SLC25A21: variants seen among roughly 807,000 people sequenced by gnomAD.
SLC25A21 encodes solute carrier family 25 member 21, also known as mitochondrial 2-oxodicarboxylate carrier.
Under a neutral mutation model 43.8 loss-of-function variants are expected in SLC25A21, and 47 were observed. That is an observed-to-expected ratio of 1.07 (90% confidence interval 0.85 to 1.37). The LOEUF (loss-of-function observed/expected upper bound fraction) is 1.37. SLC25A21 is among the 40% of genes most tolerant of loss of function. SLC25A21 has a pLI of 0.00. For synonymous variants in SLC25A21, 131 were observed against 121.3 expected, an observed-to-expected ratio of 1.08 and a Z score of -0.52; for missense variants, 352 against 350.2, an observed-to-expected ratio of 1.00 and a Z score of -0.04.
rs926913517 is a variant in SLC25A21, at chr14:36,833,931, A to G, written c.120-19930T>C. 2.0e-5 allele frequency among the ~76,000 whole-genome samples: 3 copies of G among 152,334 alleles called. No individual in the cohort carries two copies. The South Asian group carries it at 6.2e-4, about 32-fold the overall frequency. On this transcript the variant is annotated intron_variant, in intron 2 of 9. Transcript: ENST00000331299. ...TGCATGGGCTGGATTAAAACAGAAAATAAGATATATTGCCTAAATTCAGGA... is the reference window on the plus strand; with the variant it reads ...TGCATGGGCTGGATTAAAACAGAAAGTAAGATATATTGCCTAAATTCAGGA...
intron 1 of SLC25A21, among the ~76,000 whole-genome samples, chr14:36,944,350 A>C (rs1417171638): frequency 6.6e-6 from 1 of 152,172 alleles, no homozygotes; most frequent in Non-Finnish European, 1.5e-5. Flanking sequence ...CAGAGGAAGA[A>C]AACTGCCTTC....
chr14:37,133,756 C>A (rs527825532), intron 1 of SLC25A21, among the ~76,000 whole-genome samples: 1 of 152,250 alleles, frequency 6.6e-6, no homozygotes, highest in South Asian at 2.1e-4. Flanking sequence ...TATGAGTGGA[C>A]AATAAGCTTT....
chr14:36,722,714 TTAGA>T (rs534712226), intron 6 of SLC25A21, among the ~76,000 whole-genome samples: 40 of 152,250 alleles, frequency 2.6e-4, no homozygotes, highest in Non-Finnish European at 5.7e-4. Flanking sequence ...CATATTTCTA[TTAGA>T]TAGCACTGCT....
At chr14:36,989,828 GGTT>G (rs1312183482) in intron 1 of SLC25A21, among the ~76,000 whole-genome samples, 1 of 151,956 alleles carries the variant, frequency 6.6e-6, no homozygotes, top group Non-Finnish European at 1.5e-5. Flanking sequence ...ATGGCCAACT[GGTT>G]GTAATTGACT....
rs183223877 is a variant in SLC25A21 at position 36,721,709 on chromosome 14, T to C, written c.438+3861A>G. ...AAATGAAATCATGGCACCTGAATTA[T>C]GCAAGGTTGAGCTCCAAGATGGGCC... On this transcript the variant is annotated intron_variant, in intron 6 of 9. Transcript: ENST00000331299. Among the ~76,000 whole-genome samples the C allele has an allele frequency of 3.2e-3, 487 of 152,350 alleles. 3 individuals are homozygous for C. The highest frequency in any genetic ancestry group is 0.011 in the African/African-American group (453 of 41,578).
chr14:37,151,143 G>T (rs1963752231), intron 1 of SLC25A21, among the ~76,000 whole-genome samples: 1 of 151,998 alleles, frequency 6.6e-6, no homozygotes, highest in Admixed American at 6.6e-5. Flanking sequence ...CAAAGAGGAG[G>T]CTATACGTTC....
chr14:36,958,594 A>T (rs1308108752), intron 1 of SLC25A21, among the ~76,000 whole-genome samples: 1 of 152,042 alleles, frequency 6.6e-6, no homozygotes, highest in East Asian at 1.9e-4. Flanking sequence ...TTGAGGCCTT[A>T]CCCAGATATG....
intron 2 of SLC25A21, among the ~76,000 whole-genome samples, chr14:36,817,474 C>T (rs1037017935): frequency 2.0e-5 from 3 of 152,046 alleles, no homozygotes; most frequent in Non-Finnish European, 4.4e-5. Context: ...ACACCACAGC[C>T]GCCTACCCCG....
intron 3 of SLC25A21, among the ~76,000 whole-genome samples, chr14:36,758,374 G>T (rs1387166940): frequency 6.6e-6 from 1 of 152,150 alleles, no homozygotes; most frequent in African/African-American, 2.4e-5. Flanking sequence ...AGATGAACCT[G>T]AGTGTTTGGC....
chr14:37,146,061 A>G (rs572801020), intron 1 of SLC25A21, among the ~76,000 whole-genome samples: 4 of 152,148 alleles, frequency 2.6e-5, no homozygotes, highest in Non-Finnish European at 5.9e-5. Flanking sequence ...AACAGCACCC[A>G]CTCCTTCAGA....
chr14:36,764,470 C>T (rs760520770), intron 3 of SLC25A21, among the ~76,000 whole-genome samples: 14 of 148,456 alleles, frequency 9.4e-5, no homozygotes, highest in Admixed American at 2.0e-4. Flanking sequence ...CAAGCTGCCA[C>T]GCGTGAAGAA....
intron 1 of SLC25A21, among the ~76,000 whole-genome samples, chr14:37,014,151 C>T (rs1368572185): frequency 6.6e-6 from 1 of 152,054 alleles, no homozygotes; most frequent in African/African-American, 2.4e-5. Context: ...GCAGCTGTGG[C>T]AGTTTCTTTA....
chr14:36,872,856 A>C (rs960434556), intron 2 of SLC25A21, among the ~76,000 whole-genome samples: 1 of 152,332 alleles, frequency 6.6e-6, no homozygotes, highest in South Asian at 2.1e-4. Context: ...CAACAAAATG[A>C]TACAGCTTTT....
chr14:36,826,716 G>A (rs1464483213), intron 2 of SLC25A21, among the ~76,000 whole-genome samples: 1 of 152,202 alleles, frequency 6.6e-6, no homozygotes, highest in Non-Finnish European at 1.5e-5. Flanking sequence ...CCATGTCAGA[G>A]AGTTGAGGTT....
chr14:37,027,383 C>G (rs1961115454), intron 1 of SLC25A21, among the ~76,000 whole-genome samples: 1 of 152,130 alleles, frequency 6.6e-6, no homozygotes, highest in African/African-American at 2.4e-5. Context: ...ATGACCGTTT[C>G]TGCTACTATA....
At chr14:36,903,073 A>C (rs1286206107) in intron 1 of SLC25A21, among the ~76,000 whole-genome samples, 2 of 152,332 alleles carry the variant, frequency 1.3e-5, no homozygotes, top group South Asian at 2.1e-4. Flanking sequence ...TACTGGCCTC[A>C]CACAGTTGCC....
intron 1 of SLC25A21, among the ~76,000 whole-genome samples, chr14:36,886,956 T>C (rs189340528): frequency 3.9e-4 from 59 of 152,276 alleles, no homozygotes; most frequent in Admixed American, 3.5e-3. Flanking sequence ...TGTGGGCTTT[T>C]ACCACAATCA....
At chr14:36,982,131 A>T (rs17105851) in intron 1 of SLC25A21, among the ~76,000 whole-genome samples, 21,976 of 152,024 alleles carry the variant, frequency 0.14, 5,293 homozygotes, top group African/African-American at 0.5. Flanking sequence ...TGATCTCATT[A>T]TTTACAAGTA....
At chr14:36,714,537 TG>T (rs1192377914) in intron 6 of SLC25A21, among the ~76,000 whole-genome samples, 1 of 152,220 alleles carries the variant, frequency 6.6e-6, no homozygotes, top group Non-Finnish European at 1.5e-5. Flanking sequence ...GGCAAGTCTG[TG>T]GGCTGTAGAA....
Sources: gnomAD v4.1 joint callset for allele counts (sites outside exome capture counted in the v4.1 genomes callset) on GRCh38, gnomAD v4.1.1 for gene constraint, MANE v1.5 for transcripts, NCBI Gene and HGNC (gene_info 2026-07-23, HGNC 2026-07-21) for gene names.